The following EIF4G3 variants were observed in gnomAD, a reference collection of about 807,000 sequenced individuals.
EIF4G3 encodes the protein eIF-4-gamma 3.
A neutral mutation model predicts 186.4 loss-of-function variants in EIF4G3; 34 were observed. That is an observed-to-expected ratio of 0.18 (90% CI 0.14 to 0.24). The LOEUF (loss-of-function observed/expected upper bound fraction) is 0.24, where lower values mean the gene tolerates loss of function less well. Among genes scored for constraint, EIF4G3 ranks in the 10% least tolerant of loss-of-function variants. The probability of loss-of-function intolerance (pLI) is 1.00; values close to 1 mark genes in which losing one functional copy is unlikely to be tolerated. For synonymous variants in EIF4G3, 673 were observed against 679.5 expected, an observed-to-expected ratio of 0.99 and a Z score of 0.15; for missense variants, 1,536 against 1,948.5, an observed-to-expected ratio of 0.79 and a Z score of 3.99.
At chr1:20,930,762 T>G (rs1043197551) in intron 14 of EIF4G3, among the ~76,000 whole-genome samples, 8 of 152,236 alleles carry the variant, frequency 5.3e-5, no homozygotes, top group Non-Finnish European at 7.3e-5. Flanking sequence ...CTTCTTCTAC[T>G]GAAGTCTTGA....
At chr1:20,921,648 C>T (rs2094500923) in intron 14 of EIF4G3, among the ~76,000 whole-genome samples, 1 of 152,172 alleles carries the variant, frequency 6.6e-6, no homozygotes, top group Non-Finnish European at 1.5e-5. Flanking sequence ...CTGTTGAATT[C>T]AATTTTTTGT....
chr1:21,095,142 T>G (rs1323075739), intron 2 of EIF4G3, among the ~76,000 whole-genome samples: 3 of 152,186 alleles, frequency 2.0e-5, no homozygotes, highest in African/African-American at 7.2e-5. Context: ...GGCAGCACCC[T>G]TAATCAAACA....
At chr1:20,956,792 A>T (rs2096439686) in intron 12 of EIF4G3, among the ~76,000 whole-genome samples, 1 of 151,978 alleles carries the variant, frequency 6.6e-6, no homozygotes, top group Admixed American at 6.6e-5. Flanking sequence ...CCTGCCTCAG[A>T]GACAGGGTAT....
chr1:21,083,041 A>AAAAAAG (rs1234554880), intron 3 of EIF4G3, among the ~76,000 whole-genome samples: 5 of 13,606 alleles, frequency 3.7e-4, no homozygotes, highest in African/African-American at 5.3e-4. Context: ...CTGTCTCAAA[A>AAAAAAG]AAAAAAAAAA....
chr1:21,130,606 C>CA (rs2097135568), intron 2 of EIF4G3, among the ~76,000 whole-genome samples: 1 of 152,116 alleles, frequency 6.6e-6, no homozygotes, highest in Non-Finnish European at 1.5e-5. Context: ...CTACTTATCT[C>CA]AGTCTCTACT....
At chr1:20,847,405 A>G (rs1283072755) in intron 29 of EIF4G3, among the ~76,000 whole-genome samples, 1 of 152,188 alleles carries the variant, frequency 6.6e-6, no homozygotes, top group Non-Finnish European at 1.5e-5. Flanking sequence ...CCCAGGGCTC[A>G]TGATTCTCCA....
chr1:21,066,317 A>G (rs994864187), intron 3 of EIF4G3, among the ~76,000 whole-genome samples: 4 of 151,776 alleles, frequency 2.6e-5, no homozygotes, highest in Non-Finnish European at 4.4e-5. Context: ...AGTAAAAAAT[A>G]TAAAAACATT....
intron 12 of EIF4G3, among the ~76,000 whole-genome samples, chr1:20,954,788 C>T (rs2096357684): frequency 6.6e-6 from 1 of 151,980 alleles, no homozygotes; most frequent in East Asian, 1.9e-4. Flanking sequence ...ATGGTATAGA[C>T]CACAAAATTA....
chr1:20,838,707 G>A (rs185292790), intron 30 of EIF4G3, among the ~76,000 whole-genome samples: 2 of 152,190 alleles, frequency 1.3e-5, no homozygotes, highest in Admixed American at 6.5e-5. Context: ...CCCAGACGTG[G>A]TCTCATTCTG....
At chr1:21,132,936 C>T (rs1422238212) in intron 2 of EIF4G3, among the ~76,000 whole-genome samples, 1 of 151,874 alleles carries the variant, frequency 6.6e-6, no homozygotes, top group African/African-American at 2.4e-5. Context: ...GTGTGCACCA[C>T]CACGCCCAGC....
At position 20,829,148 on chromosome 1, in the gene EIF4G3, T is replaced by G. The variant is rs767440408; in HGVS notation, c.4186A>C (p.Ile1396Leu). Residue 1396 changes from isoleucine (I) to leucine (L), a missense_variant and splice_region_variant, in exon 31 of 37, where the codon ATA becomes CTA. Coordinates refer to ENST00000602326, the MANE Select transcript of EIF4G3 (RefSeq NM_001391906.1). ...EGGISMRELTIEFSKPLLPVG... is the reference protein window; with the variant it reads ...EGGISMRELTLEFSKPLLPVG... ...TCAAGAGAAACAAGTATAACTTACA[T>G]GGTAAGTTCTCTCATGGAGATTCCA... 1.9e-6 allele frequency: 3 copies of G among 1,613,202 alleles called. No homozygotes were observed. Among genetic ancestry groups the G allele is most frequent in the Non-Finnish European group, 2.5e-6 (3 of 1,179,632 alleles).
At chr1:21,035,253 C>T (rs1162572315) in intron 4 of EIF4G3, among the ~76,000 whole-genome samples, 1 of 152,222 alleles carries the variant, frequency 6.6e-6, no homozygotes, top group Non-Finnish European at 1.5e-5. Flanking sequence ...GCCACCTGCA[C>T]CTTACCTGCC....
chr1:20,829,394 A>G (rs1422035143), intron 30 of EIF4G3, 122 bp from the exon 31 acceptor site: 1 of 1,105,524 alleles, frequency 9.0e-7, no homozygotes, highest in Non-Finnish European at 1.3e-6. Flanking sequence ...GGTACAGTCT[A>G]GCCACAAAGT....
intron 34 of EIF4G3, among the ~76,000 whole-genome samples, chr1:20,814,556 GA>G (rs2059969941): frequency 6.6e-6 from 1 of 151,948 alleles, no homozygotes; most frequent in Non-Finnish European, 1.5e-5. Context: ...GTATTTTAAT[GA>G]CTACTTACTC....
At position 20,942,310 on chromosome 1, in the gene EIF4G3, G is replaced by C; in HGVS notation, c.844C>G (p.Pro282Ala). 1 of 1,580,994 alleles carries C rather than the reference G, an allele frequency of 6.3e-7. No homozygotes were observed. Among genetic ancestry groups the C allele is most frequent in the Non-Finnish European group, 8.6e-7 (1 of 1,167,682 alleles). Reference protein sequence around the residue: ...QKQEEKPKPDPVLKSPSPVLR... With the variant: ...QKQEEKPKPDAVLKSPSPVLR... ...ACTGGGGAAGGAGACTTTAACACTG[G>C]ATCTGGTTTTGGCTTCTCCTCTGGG... The change falls in exon 14 of 37, where the codon CCA (proline) becomes GCA (alanine). Residue 282 changes from proline to alanine, a missense_variant. Transcript: ENST00000602326.
chr1:21,114,601 G>C (rs772294720), intron 2 of EIF4G3, among the ~76,000 whole-genome samples: 5 of 152,106 alleles, frequency 3.3e-5, no homozygotes, highest in Non-Finnish European at 5.9e-5. Flanking sequence ...TCACACAAGT[G>C]TTATTCATTA....
intron 20 of EIF4G3, among the ~76,000 whole-genome samples, chr1:20,867,602 G>A (rs1017211360): frequency 6.6e-6 from 1 of 152,130 alleles, no homozygotes; most frequent in Non-Finnish European, 1.5e-5. Flanking sequence ...AATAGTGGCT[G>A]ACACACAGTA....
In EIF4G3 at chr1:20,941,863, T is replaced by C. The variant is rs777634906; in HGVS notation, c.1291A>G (p.Ile431Val). 4 of 1,614,212 alleles carry C rather than the reference T, an allele frequency of 2.5e-6. No individual in the cohort carries two copies. In the South Asian group the frequency reaches 4.4e-5, roughly 18 times the overall value. The change falls in exon 14 of 37, where the codon ATA (isoleucine) becomes GTA (valine). Residue 431 changes from isoleucine to valine, a missense_variant. Ile to Val is a conservative substitution (Grantham distance 29, BLOSUM62 3). Coordinates refer to ENST00000602326, the MANE Select transcript of EIF4G3 (RefSeq NM_001391906.1). The stretch of plus-strand genomic sequence containing the variant: ...AATGGCAATACTTCCTGTTTTACTA[T>C]TTCCACAATGCTCTCCGTGGCTGAT... The part of the protein sequence containing the change: ...KLSATESIVE[I>V]VKQEVLPLTL...
chr1:20,953,403 G>A (rs187863695), intron 12 of EIF4G3, among the ~76,000 whole-genome samples: 2 of 152,216 alleles, frequency 1.3e-5, no homozygotes, highest in East Asian at 3.9e-4. Context: ...TAGTGTTTGA[G>A]AAAAATTCTT....
Sources: gnomAD v4.1 joint callset for allele counts (sites outside exome capture counted in the v4.1 genomes callset) on GRCh38, gnomAD v4.1.1 for gene constraint, MANE v1.5 for transcripts, NCBI Gene and HGNC (gene_info 2026-07-23, HGNC 2026-07-21) for gene names.